The following KIF6 variants were observed in gnomAD, a reference collection of about 807,000 sequenced individuals.
KIF6 encodes the protein kinesin-like protein KIF6.
In KIF6, 106 loss-of-function variants were observed where a neutral mutation model predicts 112.7. The observed-to-expected ratio is 0.94, with a 90% CI of 0.80 to 1.11. The LOEUF is 1.11. Ranked by LOEUF, KIF6 falls within the 50% of genes least tolerant of loss-of-function variation. The pLI, the probability that KIF6 is intolerant of heterozygous loss-of-function variation, is 0.00. For missense variants in KIF6, 929 were observed against 964.0 expected, an observed-to-expected ratio of 0.96 and a Z score of 0.48; for synonymous variants, 339 against 339.9, an observed-to-expected ratio of 1.00 and a Z score of 0.03.
In KIF6 at chr6:39,509,570, A is replaced by C. The variant is rs191460112; in HGVS notation, c.1645+30433T>G. 1.2e-3 allele frequency among the ~76,000 whole-genome samples: 185 copies of C among 152,354 alleles called. 1 individual carries two copies. Among genetic ancestry groups the C allele is most frequent in the South Asian group, 3.1e-3 (15 of 4,826 alleles). On this transcript the variant is annotated intron_variant, in intron 13 of 22. Coordinates refer to ENST00000287152, the MANE Select transcript of KIF6 (RefSeq NM_145027.6). Reference sequence around the variant, plus strand: ...TGGAGCTGAAAACCACAGTATGAGAACTTTGTGGAGAATACACAAGCTTCA... The same window carrying C: ...TGGAGCTGAAAACCACAGTATGAGACCTTTGTGGAGAATACACAAGCTTCA...
chr6:39,520,921 G>C (rs1777361457), intron 13 of KIF6, among the ~76,000 whole-genome samples: 1 of 152,136 alleles, frequency 6.6e-6, no homozygotes, highest in Non-Finnish European at 1.5e-5. Context: ...ATTCTGGTTT[G>C]GGTTGTCAGA....
In KIF6 at chr6:39,549,770, A is replaced by G. The variant is rs77371375; in HGVS notation, c.1182-4082T>C. Among the ~76,000 whole-genome samples the G allele has an allele frequency of 6.5e-3, 987 of 152,348 alleles. 6 individuals are homozygous for G. Among genetic ancestry groups the G allele is most frequent in the African/African-American group, 0.02 (829 of 41,584 alleles). On this transcript the variant is annotated intron_variant, in intron 10 of 22. Transcript: ENST00000287152. ...AATGTGCTGTATTTGAAGATTACTT[A>G]AATTAATTATGGCATAGCTATGTAC...
At chr6:39,346,915 C>G (rs1274537782) in intron 19 of KIF6, among the ~76,000 whole-genome samples, 1 of 152,220 alleles carries the variant, frequency 6.6e-6, no homozygotes, top group African/African-American at 2.4e-5. Context: ...TCCCAAAGTG[C>G]TGGGATTACA....
intron 13 of KIF6, among the ~76,000 whole-genome samples, chr6:39,440,851 G>A (rs183515096): frequency 8.7e-4 from 133 of 152,278 alleles, no homozygotes; most frequent in African/African-American, 3.1e-3. Flanking sequence ...TGTCTCCAGG[G>A]GCATAGAGAG....
At chr6:39,340,173 T>C (rs752498813) in intron 22 of KIF6, among the ~76,000 whole-genome samples, 1 of 152,234 alleles carries the variant, frequency 6.6e-6, no homozygotes, top group African/African-American at 2.4e-5. Context: ...TGTCAACCTG[T>C]CTTTGGCTTC....
chr6:39,554,427 C>T (rs2150583659), intron 10 of KIF6: 1 of 160,938 alleles, frequency 6.2e-6, no homozygotes, highest in Non-Finnish European at 1.4e-5. Context: ...TGTGTCTATG[C>T]CGTCACCCTC....
At chr6:39,419,879 C>T in intron 15 of KIF6, 69 bp downstream of exon 15, 1 of 1,318,294 alleles carries the variant, frequency 7.6e-7, no homozygotes, top group Non-Finnish European at 1.1e-6. Flanking sequence ...CATTTGGAGG[C>T]ACATCATGAC....
chr6:39,495,734 G>A (rs1422284810), intron 13 of KIF6, among the ~76,000 whole-genome samples: 1 of 152,202 alleles, frequency 6.6e-6, no homozygotes, highest in Non-Finnish European at 1.5e-5. Flanking sequence ...GGAGGATGTA[G>A]TATTTTGCAT....
At chr6:39,454,167 G>A (rs1001403097) in intron 13 of KIF6, among the ~76,000 whole-genome samples, 1 of 152,010 alleles carries the variant, frequency 6.6e-6, no homozygotes, top group Non-Finnish European at 1.5e-5. Flanking sequence ...TGCAATAGTG[G>A]AAACCTAAAC....
intron 13 of KIF6, among the ~76,000 whole-genome samples, chr6:39,531,659 C>A (rs1778068822): frequency 6.6e-6 from 1 of 152,162 alleles, no homozygotes; most frequent in African/African-American, 2.4e-5. Context: ...AGGGAAGGCA[C>A]TCACGGTTCT....
chr6:39,345,877 A>T, intron 20 of KIF6, 88 bp from the exon 21 acceptor site: 1 of 899,072 alleles, frequency 1.1e-6, no homozygotes, highest in Non-Finnish European at 1.8e-6. Context: ...GCTGTTATGG[A>T]CTGAATGTGT....
chr6:39,466,986 A>T (rs963365960), intron 13 of KIF6, among the ~76,000 whole-genome samples: 3 of 152,238 alleles, frequency 2.0e-5, no homozygotes, highest in African/African-American at 4.8e-5. Context: ...AGAGAAGCAG[A>T]CCACTGTCCC....
chr6:39,478,725 T>TA (rs1774608487), intron 13 of KIF6, among the ~76,000 whole-genome samples: 1 of 148,144 alleles, frequency 6.8e-6, no homozygotes, highest in South Asian at 2.1e-4. Context: ...TTTTTGGTGG[T>TA]AGAAGTGTTC....
At chr6:39,721,172 T>C (rs1296724060) in intron 1 of KIF6, among the ~76,000 whole-genome samples, 1 of 152,196 alleles carries the variant, frequency 6.6e-6, no homozygotes, top group African/African-American at 2.4e-5. Flanking sequence ...AGTTAACATT[T>C]TACTACAATC....
At chr6:39,617,614 T>C (rs1298729923) in intron 5 of KIF6, 3 of 422,348 alleles carry the variant, frequency 7.1e-6, no homozygotes, top group Admixed American at 2.4e-5. Context: ...TGTATAGTTA[T>C]CACGACAAAT....
At chr6:39,419,223 A>G (rs1003978176) in intron 15 of KIF6, among the ~76,000 whole-genome samples, 1 of 151,834 alleles carries the variant, frequency 6.6e-6, no homozygotes, top group Non-Finnish European at 1.5e-5. Context: ...GTGTGATGGC[A>G]TGCACCCATA....
chr6:39,678,591 C>T (rs1489312682), intron 3 of KIF6, among the ~76,000 whole-genome samples: 9 of 152,130 alleles, frequency 5.9e-5, no homozygotes, highest in Admixed American at 2.0e-4. Context: ...AATCTAAACC[C>T]AAAGAAAACT....
intron 19 of KIF6, among the ~76,000 whole-genome samples, chr6:39,348,412 A>G (rs372226018): frequency 1.3e-5 from 2 of 152,136 alleles, no homozygotes; most frequent in South Asian, 2.1e-4. Flanking sequence ...CACCTCATGC[A>G]GGAGGGCAGT....
chr6:39,584,002 T>C (rs957399233), intron 9 of KIF6, among the ~76,000 whole-genome samples: 1 of 152,086 alleles, frequency 6.6e-6, no homozygotes, highest in South Asian at 2.1e-4. Flanking sequence ...AAACTAGAAG[T>C]TTGACAGATC....
Sources: allele counts gnomAD v4.1 joint callset (sites outside exome capture counted in the v4.1 genomes callset), GRCh38; gene constraint gnomAD v4.1.1; transcripts MANE v1.5; gene names NCBI Gene and HGNC (gene_info 2026-07-23, HGNC 2026-07-21).